SLC9A4: variants seen among roughly 807,000 people sequenced by gnomAD.
SLC9A4 encodes sodium/hydrogen exchanger 4.
A neutral mutation model predicts 67.4 loss-of-function variants in SLC9A4; 63 were observed. That is an observed-to-expected ratio of 0.93 (90% confidence interval 0.76 to 1.15). SLC9A4 has a LOEUF of 1.15. Ranked by LOEUF, SLC9A4 falls within the 50% of genes most tolerant of loss-of-function variation. SLC9A4 has a pLI of 0.00. For missense variants in SLC9A4, 1,089 were observed against 987.7 expected (o/e 1.10, Z -1.38); for synonymous variants, 393 against 367.2 (o/e 1.07, Z -0.80).
Position 102,521,844 on chromosome 2 carries a change from C to A in SLC9A4, c.1818+1889C>A, listed in dbSNP as rs576941929. On this transcript the variant is annotated intron_variant, in intron 9 of 11. Transcript: ENST00000295269. ...ACATCTTGAAAGAGGCCATCTTGGG[C>A]GTCGGGATTTACCTCAGAGCAGGAC... Among the ~76,000 whole-genome samples the A allele has an allele frequency of 1.3e-3, 203 of 152,274 alleles. 1 individual carries two copies. Among genetic ancestry groups the A allele is most frequent in the African/African-American group, 4.6e-3 (193 of 41,538 alleles).
intron 8 of SLC9A4, among the ~76,000 whole-genome samples, chr2:102,518,277 A>G (rs1302395160): frequency 6.6e-6 from 1 of 152,172 alleles, no homozygotes; most frequent in African/African-American, 2.4e-5. Flanking sequence ...TCCTTTATCA[A>G]TGGTTTTCCC....
intron 1 of SLC9A4, 106 bp from the exon 2 acceptor site, chr2:102,478,733 T>G (rs1467764296): frequency 1.8e-6 from 2 of 1,105,738 alleles, no homozygotes; most frequent in Non-Finnish European, 2.6e-6. Context: ...GAGGCTGAGA[T>G]GCCAGTCAGC....
At chr2:102,530,481 GCAGCTCT>G (rs1674754600) in intron 11 of SLC9A4, among the ~76,000 whole-genome samples, 1 of 152,142 alleles carries the variant, frequency 6.6e-6, no homozygotes, top group Non-Finnish European at 1.5e-5. Flanking sequence ...TCAATTTTGG[GCAGCTCT>G]CAGCCGAGTG....
chr2:102,480,187 T>A (rs980944240), intron 2 of SLC9A4, among the ~76,000 whole-genome samples: 1 of 152,204 alleles, frequency 6.6e-6, no homozygotes, highest in Non-Finnish European at 1.5e-5. Flanking sequence ...TCCTCCTCTA[T>A]GAAAGAGGCA....
intron 8 of SLC9A4, among the ~76,000 whole-genome samples, chr2:102,518,202 T>A (rs1019628453): frequency 2.6e-5 from 4 of 152,216 alleles, no homozygotes; most frequent in African/African-American, 9.6e-5. Context: ...CCCAAAGTGG[T>A]CAGTTATAAA....
At chr2:102,500,413 T>G (rs954135449) in intron 2 of SLC9A4, among the ~76,000 whole-genome samples, 1 of 152,190 alleles carries the variant, frequency 6.6e-6, no homozygotes, top group Non-Finnish European at 1.5e-5. Flanking sequence ...ACCTAGCTTG[T>G]GGTACTTTGT....
At chr2:102,485,769 GT>G (rs781773147) in intron 2 of SLC9A4, among the ~76,000 whole-genome samples, 9 of 152,222 alleles carry the variant, frequency 5.9e-5, no homozygotes, top group Non-Finnish European at 1.2e-4. Context: ...TCTGTTTCCA[GT>G]GACTGAAGCC....
chr2:102,524,580 G>GTGTGTGTGTGTGTGTT (rs1674618194), intron 9 of SLC9A4, among the ~76,000 whole-genome samples: 2 of 151,910 alleles, frequency 1.3e-5, no homozygotes, highest in Admixed American at 1.3e-4. Context: ...GTGTGTGTGT[G>GTGTGTGTGTGTGTGTT]TGTGTTTGTG....
intron 11 of SLC9A4, among the ~76,000 whole-genome samples, chr2:102,527,874 G>C (rs1005086722): frequency 1.3e-5 from 2 of 152,060 alleles, no homozygotes; most frequent in Non-Finnish European, 2.9e-5. Flanking sequence ...ATTTCTTGGG[G>C]TGAAGTTTTC....
In SLC9A4 at chr2:102,508,418, T is replaced by C. The variant is rs1685093125; in HGVS notation, c.1401+137T>C. 1.8e-5 allele frequency: 15 copies of C among 811,728 alleles called. No homozygotes were observed. In the South Asian group the frequency reaches 2.9e-4, roughly 16 times the overall value. 50.3% of individuals were successfully genotyped at this position (811,728 alleles called of 1,614,324 possible). ...CCCAAACTAAATTTCCGGAGATTTC[T>C]AGATCATGTTTGTGACCATCCTTTA... On this transcript the variant is annotated intron_variant, in intron 5 of 11. Coordinates refer to ENST00000295269, the MANE Select transcript of SLC9A4 (RefSeq NM_001011552.4).
chr2:102,479,357 G>T, intron 2 of SLC9A4, 55 bp downstream of exon 2: 1 of 1,519,660 alleles, frequency 6.6e-7, no homozygotes. Context: ...TCGGGGTGGG[G>T]CTGGGGACCG....
In SLC9A4 at chr2:102,508,103, G is replaced by T; in HGVS notation, c.1223G>T (p.Ser408Ile). Residue 408 changes from serine (S) to isoleucine (I), a missense_variant, in exon 5 of 12, where the codon AGT becomes ATT. Transcript: ENST00000295269. Reference protein sequence around the residue: ...AISVFALFYISNQFRTFPFSI... With the variant: ...AISVFALFYIINQFRTFPFSI... ...GGCGTATTTGCTCTCTTCTATATCAGTAACCAGTTTCGGACTTTCCCCTTC... is the reference window on the plus strand; with the variant it reads ...GGCGTATTTGCTCTCTTCTATATCATTAACCAGTTTCGGACTTTCCCCTTC... The T allele has an allele frequency of 6.2e-7, 1 of 1,614,110 alleles. No individual in the cohort carries two copies. The highest frequency in any genetic ancestry group is 8.5e-7 in the Non-Finnish European group (1 of 1,180,016).
intron 4 of SLC9A4, among the ~76,000 whole-genome samples, chr2:102,506,535 C>T (rs1409710906): frequency 6.6e-6 from 1 of 152,232 alleles, no homozygotes; most frequent in African/African-American, 2.4e-5. Flanking sequence ...AGCTGTGATA[C>T]AAGTTTATTA....
At chr2:102,499,292 G>GGATAGATA (rs542931351) in intron 2 of SLC9A4, among the ~76,000 whole-genome samples, 1 of 76,576 alleles carries the variant, frequency 1.3e-5, no homozygotes, top group African/African-American at 8.1e-5. Flanking sequence ...ATATATAGAT[G>GGATAGATA]GATAGATAGA....
At chr2:102,502,521 C>G (rs376463130) in intron 2 of SLC9A4, among the ~76,000 whole-genome samples, 21 of 152,312 alleles carry the variant, frequency 1.4e-4, no homozygotes, top group African/African-American at 5.1e-4. Context: ...AGGAAACTCT[C>G]TATGTACCCT....
At chr2:102,490,096 G>GTT (rs879423774) in intron 2 of SLC9A4, among the ~76,000 whole-genome samples, 2 of 144,900 alleles carry the variant, frequency 1.4e-5, no homozygotes, top group African/African-American at 2.5e-5. Context: ...AACTTCCAAC[G>GTT]TTTTTTTTTT....
intron 11 of SLC9A4, among the ~76,000 whole-genome samples, chr2:102,528,079 C>T (rs1277299336): frequency 6.6e-6 from 1 of 152,110 alleles, no homozygotes; most frequent in Non-Finnish European, 1.5e-5. Context: ...GCGATCTTGG[C>T]TCACTGTAAC....
chr2:102,510,231 GGATACAGATACA>G (rs1553413618), intron 6 of SLC9A4, among the ~76,000 whole-genome samples: 40 of 137,080 alleles, frequency 2.9e-4, no homozygotes, highest in South Asian at 7.3e-4. Context: ...ATACGGATAC[GGATACAGATACA>G]GATACAGATA....
intron 2 of SLC9A4, among the ~76,000 whole-genome samples, chr2:102,481,820 A>G (rs1394419652): frequency 2.0e-5 from 3 of 152,170 alleles, no homozygotes; most frequent in African/African-American, 7.2e-5. Context: ...ATTGTGTCTA[A>G]CCAAAAGACA....
Sources: gnomAD v4.1 joint callset for allele counts (sites outside exome capture counted in the v4.1 genomes callset) on GRCh38, gnomAD v4.1.1 for gene constraint, MANE v1.5 for transcripts, NCBI Gene and HGNC (gene_info 2026-07-23, HGNC 2026-07-21) for gene names.